ERBB4: variants seen among roughly 807,000 people sequenced by gnomAD.
ERBB4 encodes receptor tyrosine-protein kinase erbB-4.
ERBB4 carries 42 observed loss-of-function variants against 158.0 expected under a neutral mutation model. The ratio of observed to expected loss-of-function variants is 0.27; its 90% CI spans 0.21 to 0.34. ERBB4 has a LOEUF of 0.34. Among genes scored for constraint, ERBB4 ranks in the 10% least tolerant of loss-of-function variants. The pLI, the probability that ERBB4 is intolerant of heterozygous loss-of-function variation, is 1.00. For missense variants in ERBB4, 1,333 were observed against 1,624.1 expected (o/e 0.82, Z 3.08); for synonymous variants, 583 against 558.7 (o/e 1.04, Z -0.61).
chr2:211,701,378 G>T (rs2073231855), intron 12 of ERBB4, among the ~76,000 whole-genome samples: 1 of 152,116 alleles, frequency 6.6e-6, no homozygotes, highest in Non-Finnish European at 1.5e-5. Flanking sequence ...TCCTTGAAAT[G>T]ACCTGGGATG....
At chr2:212,255,829 A>AT (rs898348669) in intron 1 of ERBB4, among the ~76,000 whole-genome samples, 25 of 151,830 alleles carry the variant, frequency 1.6e-4, no homozygotes, top group African/African-American at 6.0e-4. Context: ...ACTTTGTGTC[A>AT]TTTTTTTAAG....
chr2:211,689,904 G>C (rs1452157416), intron 12 of ERBB4, among the ~76,000 whole-genome samples: 1 of 151,350 alleles, frequency 6.6e-6, no homozygotes, highest in African/African-American at 2.4e-5. Flanking sequence ...TATACTGTAC[G>C]GTGTCACGAG....
At chr2:211,522,220 A>T (rs1170080751) in intron 20 of ERBB4, among the ~76,000 whole-genome samples, 1 of 152,152 alleles carries the variant, frequency 6.6e-6, no homozygotes, top group Non-Finnish European at 1.5e-5. Flanking sequence ...TCATGGGAGG[A>T]GGTCAAAAGA....
At chr2:211,856,059 C>A (rs144106024) in intron 3 of ERBB4, among the ~76,000 whole-genome samples, 1 of 152,128 alleles carries the variant, frequency 6.6e-6, no homozygotes, top group Non-Finnish European at 1.5e-5. Context: ...AAGAATTAAC[C>A]ACTACACAGT....
intron 2 of ERBB4, among the ~76,000 whole-genome samples, chr2:212,081,913 C>G (rs1004759532): frequency 1.3e-5 from 2 of 152,084 alleles, no homozygotes; most frequent in African/African-American, 2.4e-5. Context: ...AAACTTCAGC[C>G]TTTGTTAGAC....
chr2:211,470,206 A>G (rs1333616428), intron 20 of ERBB4, among the ~76,000 whole-genome samples: 1 of 152,124 alleles, frequency 6.6e-6, no homozygotes, highest in Non-Finnish European at 1.5e-5. Context: ...TAATGGTACA[A>G]TGGTAGTAGG....
intron 1 of ERBB4, among the ~76,000 whole-genome samples, chr2:212,522,589 GACAGTAAGAAA>G (rs1692233130): frequency 6.6e-6 from 1 of 151,882 alleles, no homozygotes; most frequent in African/African-American, 2.4e-5. Flanking sequence ...AGGGCATCTG[GACAGTAAGAAA>G]AAGATGAAGA....
intron 2 of ERBB4, among the ~76,000 whole-genome samples, chr2:212,042,191 T>C (rs1009432017): frequency 6.6e-6 from 1 of 152,264 alleles, no homozygotes; most frequent in African/African-American, 2.4e-5. Flanking sequence ...ATCGGCATTA[T>C]AGGCAAGTTT....
chr2:211,908,843 G>A (rs991352182), intron 3 of ERBB4, among the ~76,000 whole-genome samples: 1 of 151,588 alleles, frequency 6.6e-6, no homozygotes. Flanking sequence ...GAACAGCATA[G>A]ACTTGGCCTT....
chr2:212,467,814 T>C (rs1688912705), intron 1 of ERBB4, among the ~76,000 whole-genome samples: 1 of 152,174 alleles, frequency 6.6e-6, no homozygotes, highest in African/African-American at 2.4e-5. Flanking sequence ...GCTTGCACTG[T>C]GCACCTGGAA....
chr2:211,750,919 C>G (rs927129620), intron 4 of ERBB4, among the ~76,000 whole-genome samples: 1 of 152,100 alleles, frequency 6.6e-6, no homozygotes, highest in African/African-American at 2.4e-5. Context: ...TATTCAAATC[C>G]TCTTATCATT....
chr2:212,450,440 G>A (rs1225950935), intron 1 of ERBB4, among the ~76,000 whole-genome samples: 2 of 152,104 alleles, frequency 1.3e-5, no homozygotes, highest in African/African-American at 4.8e-5. Flanking sequence ...GGAGATGTGA[G>A]GACAGAAGCA....
intron 20 of ERBB4, among the ~76,000 whole-genome samples, chr2:211,529,339 G>C (rs1464587337): frequency 2.0e-5 from 3 of 151,684 alleles, no homozygotes; most frequent in Non-Finnish European, 4.4e-5. Flanking sequence ...CAAGTAATAA[G>C]TAATGAGATC....
intron 1 of ERBB4, among the ~76,000 whole-genome samples, chr2:212,346,217 T>C (rs1159567439): frequency 6.6e-6 from 1 of 152,170 alleles, no homozygotes; most frequent in Non-Finnish European, 1.5e-5. Flanking sequence ...ACATTTATGT[T>C]GTCACCCTGG....
At chr2:212,380,456 CTGTGTGTG>C (rs6147158) in intron 1 of ERBB4, among the ~76,000 whole-genome samples, 22,498 of 143,026 alleles carry the variant, frequency 0.16, 1,953 homozygotes, top group South Asian at 0.25. Flanking sequence ...AGGAATGACT[CTGTGTGTG>C]TGTGTGTGTG....
intron 1 of ERBB4, among the ~76,000 whole-genome samples, chr2:212,362,303 C>T (rs1002811003): frequency 2.9e-4 from 44 of 151,218 alleles, no homozygotes; most frequent in Non-Finnish European, 3.0e-4. Flanking sequence ...AAGGAATGGC[C>T]AAATTAGCGG....
intron 20 of ERBB4, among the ~76,000 whole-genome samples, chr2:211,448,807 T>C (rs1388625484): frequency 2.0e-5 from 3 of 152,186 alleles, no homozygotes; most frequent in African/African-American, 7.2e-5. Context: ...ACTGAGGTCA[T>C]GCATCTTCTT....
At position 211,593,698 on chromosome 2, in the gene ERBB4, TG is replaced by T. The variant is rs2068543637; in HGVS notation, c.2301+25478del. ...ACCTTTCCCCTAATTACATAGTTAA[TG>T]TTGACCAGAGATAGGTTTATTTATT... is the stretch of plus-strand genomic sequence containing the variant. On this transcript the variant is annotated intron_variant, in intron 19 of 27. Transcript: ENST00000342788. 2.0e-5 allele frequency among the ~76,000 whole-genome samples: 3 copies of T among 152,214 alleles called. No individual in the cohort carries two copies. In the South Asian group the frequency reaches 6.2e-4, roughly 31 times the overall value.
chr2:211,883,684 G>A (rs1474949436), intron 3 of ERBB4, among the ~76,000 whole-genome samples: 2 of 152,028 alleles, frequency 1.3e-5, no homozygotes, highest in Non-Finnish European at 2.9e-5. Flanking sequence ...TACTTGGGAG[G>A]CAGAGGCTGA....
Sources: gnomAD v4.1 joint callset for allele counts (sites outside exome capture counted in the v4.1 genomes callset) on GRCh38, gnomAD v4.1.1 for gene constraint, MANE v1.5 for transcripts, NCBI Gene and HGNC (gene_info 2026-07-23, HGNC 2026-07-21) for gene names.